The following CNTN1 variants were observed in gnomAD, a reference collection of about 807,000 sequenced individuals.
CNTN1 encodes contactin-1.
CNTN1 carries 38 observed loss-of-function variants against 126.4 expected under a neutral mutation model. The observed-to-expected ratio is 0.30, with a 90% CI of 0.23 to 0.39. The LOEUF (loss-of-function observed/expected upper bound fraction) is 0.39. Ranked by LOEUF, CNTN1 falls within the 10% of genes least tolerant of loss-of-function variation. The pLI, the probability that CNTN1 is intolerant of heterozygous loss-of-function variation, is 1.00. For missense variants in CNTN1, 1,009 were observed against 1,248.4 expected (o/e 0.81, Z 2.89); for synonymous variants, 413 against 422.6 (o/e 0.98, Z 0.28).
intron 1 of CNTN1, among the ~76,000 whole-genome samples, chr12:40,878,604 A>G (rs1943760430): frequency 1.3e-5 from 2 of 152,218 alleles, no homozygotes; most frequent in East Asian, 3.9e-4. Flanking sequence ...TGGGTGTGAT[A>G]GTCCATTATG....
chr12:40,876,563 G>A (rs138429000), intron 1 of CNTN1, among the ~76,000 whole-genome samples: 1 of 152,068 alleles, frequency 6.6e-6, no homozygotes, highest in African/African-American at 2.4e-5. Context: ...TAGGATACTA[G>A]AGCCAATGAA....
chr12:40,750,180 G>GGA (rs1362768386), intron 1 of CNTN1, among the ~76,000 whole-genome samples: 33 of 152,208 alleles, frequency 2.2e-4, no homozygotes, highest in African/African-American at 7.9e-4. Flanking sequence ...GGATGAGGAT[G>GGA]TGGGATCTAG....
chr12:41,026,418 T>A (rs1200330034), intron 21 of CNTN1, among the ~76,000 whole-genome samples: 3 of 152,152 alleles, frequency 2.0e-5, no homozygotes, highest in African/African-American at 7.2e-5. Context: ...GTAAAGTGAC[T>A]TAGATAAAAG....
At chr12:40,769,535 C>G (rs1939253100) in intron 1 of CNTN1, among the ~76,000 whole-genome samples, 1 of 152,122 alleles carries the variant, frequency 6.6e-6, no homozygotes, top group African/African-American at 2.4e-5. Context: ...ATGAACTGAA[C>G]TCTAGTATGT....
intron 23 of CNTN1, among the ~76,000 whole-genome samples, chr12:41,037,663 TACACACACAC>T (rs55890336): frequency 0.075 from 10,824 of 144,474 alleles, 509 homozygotes; most frequent in African/African-American, 0.13. Context: ...GTGTGTTTAA[TACACACACAC>T]ACACACACAC....
intron 1 of CNTN1, among the ~76,000 whole-genome samples, chr12:40,807,943 T>C (rs536380098): frequency 6.6e-6 from 1 of 152,334 alleles, no homozygotes; most frequent in African/African-American, 2.4e-5. Flanking sequence ...CTAACTTGCA[T>C]GCCTGTGATG....
At position 40,929,806 on chromosome 12, in the gene CNTN1, C is replaced by T; in HGVS notation, c.507C>T (p.Ser169=). 6.2e-7 allele frequency: 1 copy of T among 1,611,152 alleles called. No homozygotes were observed. Among genetic ancestry groups the T allele is most frequent in the Non-Finnish European group, 8.5e-7 (1 of 1,178,006 alleles). Residue 169 remains serine, a synonymous_variant, in exon 7 of 24, where the codon AGC becomes AGT. Transcript: ENST00000551295. ...AATATTTTCTCCTAGATGATCTTAG[C>T]TATCGCTGGCTTCTAAATGAATTTC... is the stretch of plus-strand genomic sequence containing the variant. The part of the protein sequence containing the change: ...DPPYHFPDDL[S]YRWLLNEFPV...
chr12:40,945,044 A>G lies in CNTN1; in HGVS notation c.1683+874A>G, dbSNP rs139181744. The stretch of plus-strand genomic sequence containing the variant: ...AAGATTGATATGTACACATTATTAT[A>G]TTATGCTTTCATATTGTCCAGCTAT... On this transcript the variant is annotated intron_variant, in intron 14 of 23. Coordinates refer to ENST00000551295, the MANE Select transcript of CNTN1 (RefSeq NM_001843.4). 1.4e-4 allele frequency among the ~76,000 whole-genome samples: 22 copies of G among 152,246 alleles called. No homozygotes were observed. The East Asian group carries it at 4.2e-3, about 29-fold the overall frequency.
At chr12:40,974,240 G>C (rs1947609570) in intron 15 of CNTN1, among the ~76,000 whole-genome samples, 1 of 152,056 alleles carries the variant, frequency 6.6e-6, no homozygotes, top group Non-Finnish European at 1.5e-5. Flanking sequence ...TAAAGAGTGG[G>C]AATGTATTGA....
At chr12:40,990,066 G>A (rs528119739) in intron 16 of CNTN1, among the ~76,000 whole-genome samples, 1 of 151,992 alleles carries the variant, frequency 6.6e-6, no homozygotes, top group South Asian at 2.1e-4. Context: ...AAAAATGATA[G>A]ACGTTAATCA....
intron 17 of CNTN1, among the ~76,000 whole-genome samples, chr12:40,998,645 G>T (rs1948279604): frequency 6.6e-6 from 1 of 151,964 alleles, no homozygotes; most frequent in Admixed American, 6.6e-5. Context: ...TAGTTCATTT[G>T]ATTTTTTTGA....
intron 4 of CNTN1, among the ~76,000 whole-genome samples, chr12:40,919,694 T>C (rs1259527298): frequency 6.6e-6 from 1 of 152,202 alleles, no homozygotes. Flanking sequence ...ACTCAGTTTT[T>C]TCCTGCCTTT....
At chr12:41,057,808 A>G (rs1484142386) in intron 23 of CNTN1, among the ~76,000 whole-genome samples, 4 of 152,074 alleles carry the variant, frequency 2.6e-5, no homozygotes, top group Admixed American at 6.6e-5. Flanking sequence ...CATAAGCATG[A>G]GATGATGAGA....
At chr12:40,961,183 G>A (rs191624906) in intron 15 of CNTN1, among the ~76,000 whole-genome samples, 20 of 152,076 alleles carry the variant, frequency 1.3e-4, no homozygotes, top group African/African-American at 4.6e-4. Flanking sequence ...ATAGTAGGAT[G>A]CTAATAAAAC....
At chr12:40,850,237 T>C (rs1592157109) in intron 1 of CNTN1, among the ~76,000 whole-genome samples, 2 of 152,278 alleles carry the variant, frequency 1.3e-5, no homozygotes, top group East Asian at 3.9e-4. Context: ...AATTAACTTA[T>C]GACAAATCTT....
chr12:40,902,685 G>A (rs1286599978), intron 1 of CNTN1, among the ~76,000 whole-genome samples: 3 of 152,078 alleles, frequency 2.0e-5, no homozygotes, highest in African/African-American at 7.2e-5. Context: ...AATCATCAGT[G>A]CGATGAAAAG....
At chr12:40,967,254 G>A (rs531188959) in intron 15 of CNTN1, among the ~76,000 whole-genome samples, 3 of 152,104 alleles carry the variant, frequency 2.0e-5, no homozygotes, top group East Asian at 1.9e-4. Flanking sequence ...AGGCCAAGGC[G>A]GGTGGATCAG....
rs11179698 is a variant in CNTN1 at position 41,069,887 on chromosome 12, T to C, written c.2981-72T>C. ...CAGGGCTATGCAATCTCGCCTTAGCTGAAGCAGACTAAATGAGCAATAGTG... is the reference window on the plus strand; with the variant it reads ...CAGGGCTATGCAATCTCGCCTTAGCCGAAGCAGACTAAATGAGCAATAGTG... On this transcript the variant is annotated intron_variant, in intron 23 of 23. Transcript: ENST00000551295. 0.14 allele frequency: 172,164 copies of C among 1,253,616 alleles called. 16,557 individuals are homozygous for C. Among genetic ancestry groups the C allele is most frequent in the African/African-American group, 0.48 (32,560 of 68,074 alleles). 77.7% of individuals were successfully genotyped at this position (1,253,616 alleles called of 1,614,324 possible).
intron 1 of CNTN1, among the ~76,000 whole-genome samples, chr12:40,861,426 G>T (rs767447589): frequency 6.6e-6 from 1 of 152,046 alleles, no homozygotes; most frequent in Non-Finnish European, 1.5e-5. Context: ...AGTACCTAGT[G>T]AAACATTTTT....
Sources: allele counts gnomAD v4.1 joint callset (sites outside exome capture counted in the v4.1 genomes callset), GRCh38; gene constraint gnomAD v4.1.1; transcripts MANE v1.5; gene names NCBI Gene and HGNC (gene_info 2026-07-23, HGNC 2026-07-21).